Variants in PPP1R3A observed in about 807,000 individuals in gnomAD.
PPP1R3A encodes protein phosphatase 1 regulatory subunit 3A.
PPP1R3A carries 29 observed loss-of-function variants against 41.7 expected under a neutral mutation model. The observed-to-expected ratio is 0.70, with a 90% CI of 0.52 to 0.95. The LOEUF is 0.95. PPP1R3A is among the 40% of genes least tolerant of loss of function. The pLI is 0.00. For missense variants in PPP1R3A, 1,352 were observed against 1,292.4 expected (o/e 1.05, Z -0.71); for synonymous variants, 485 against 453.4 (o/e 1.07, Z -0.89).
At chr7:113,915,184 A>T (rs1797318110) in intron 1 of PPP1R3A, among the ~76,000 whole-genome samples, 1 of 152,104 alleles carries the variant, frequency 6.6e-6, no homozygotes, top group African/African-American at 2.4e-5. Context: ...ACTATCAGGC[A>T]TCAAAAGAAA....
intron 1 of PPP1R3A, among the ~76,000 whole-genome samples, chr7:113,890,667 C>A (rs1228410949): frequency 1.3e-5 from 2 of 151,932 alleles, no homozygotes; most frequent in African/African-American, 4.8e-5. Context: ...GTAGAATAGA[C>A]CAATCATCAT....
chr7:113,894,056 A>T (rs1796938485), intron 1 of PPP1R3A, among the ~76,000 whole-genome samples: 1 of 151,982 alleles, frequency 6.6e-6, no homozygotes, highest in Non-Finnish European at 1.5e-5. Flanking sequence ...GGGAGAAAAG[A>T]CATTTTAGAC....
In PPP1R3A at chr7:113,888,031, GA is replaced by G. The variant is rs1185175380; in HGVS notation, c.783-5712del. On this transcript the variant is annotated intron_variant, in intron 1 of 3. Coordinates refer to ENST00000284601, the MANE Select transcript of PPP1R3A (RefSeq NM_002711.4). The stretch of plus-strand genomic sequence containing the variant: ...CGGCGGAGCAAGACTCTGTCTCAAG[GA>G]AAAAAAAAAAAGCACAAAAGAAAAA... Among the ~76,000 whole-genome samples the G allele has an allele frequency of 9.7e-3, 1,363 of 139,962 alleles. 16 individuals are homozygous for G. The highest frequency in any genetic ancestry group is 0.028 in the African/African-American group (1,077 of 38,486). 91.8% of individuals were successfully genotyped at this position (139,962 alleles called of 152,430 possible).
intron 1 of PPP1R3A, among the ~76,000 whole-genome samples, chr7:113,888,245 C>T (rs559558858): frequency 1.4e-4 from 22 of 152,072 alleles, no homozygotes; most frequent in Admixed American, 4.6e-4. Context: ...AGGAGAGAGA[C>T]GTGGTCAGAT....
chr7:113,890,719 G>T (rs1191960175), intron 1 of PPP1R3A, among the ~76,000 whole-genome samples: 1 of 151,990 alleles, frequency 6.6e-6, no homozygotes, highest in East Asian at 1.9e-4. Flanking sequence ...CAATGGGGTA[G>T]AAATTGAAGG....
chr7:113,881,759 G>A lies in PPP1R3A; in HGVS notation c.966+280C>T, dbSNP rs541069190. Among the ~76,000 whole-genome samples, 6 of 152,074 alleles carry A rather than the reference G, an allele frequency of 3.9e-5. No homozygotes were observed. The South Asian group carries it at 1.2e-3, about 32-fold the overall frequency. On this transcript the variant is annotated intron_variant, in intron 3 of 3. Transcript: ENST00000284601. ...CACAAAGATTAGAAATGCACATCAG[G>A]ATAGTGCTACCTCTCCTGTAATTCC...
At position 113,878,595 on chromosome 7, in the gene PPP1R3A, C is replaced by T. The variant is rs1356561311; in HGVS notation, c.2497G>A (p.Asp833Asn). 6.2e-7 allele frequency: 1 copy of T among 1,613,582 alleles called. No homozygotes were observed. The highest frequency in any genetic ancestry group is 2.2e-5 in the East Asian group (1 of 44,830). ...MSMYNPRKTH[D>N]REKCGTGNIT... ...TTTCCAGTGCCACATTTCTCCCTGT[C>T]ATGTGTCTTCCTAGGATTGTACATA... Residue 833 changes from aspartate to asparagine, a missense_variant, in exon 4 of 4, where the codon GAC (aspartate) becomes AAC (asparagine). Physicochemically the swap from Asp to Asn is conservative, Grantham distance 23. Transcript: ENST00000284601.
At chr7:113,915,003 T>G (rs553128415) in intron 1 of PPP1R3A, among the ~76,000 whole-genome samples, 4 of 152,106 alleles carry the variant, frequency 2.6e-5, no homozygotes, top group Non-Finnish European at 5.9e-5. Flanking sequence ...CCATCAGATA[T>G]ATCAGGAATC....
chr7:113,895,099 T>TC (rs1256342181), intron 1 of PPP1R3A, among the ~76,000 whole-genome samples: 12 of 151,924 alleles, frequency 7.9e-5, no homozygotes, highest in Non-Finnish European at 1.8e-4. Flanking sequence ...CCTCTAATGT[T>TC]CCCCAAGATG....
At chr7:113,888,025 C>G (rs1483708620) in intron 1 of PPP1R3A, among the ~76,000 whole-genome samples, 5 of 150,194 alleles carry the variant, frequency 3.3e-5, no homozygotes, top group Non-Finnish European at 7.4e-5. Context: ...AAGACTCTGT[C>G]TCAAGGAAAA....
At chr7:113,908,217 GAT>G (rs1336506806) in intron 1 of PPP1R3A, among the ~76,000 whole-genome samples, 2 of 151,820 alleles carry the variant, frequency 1.3e-5, no homozygotes, top group Non-Finnish European at 2.9e-5. Flanking sequence ...AGATATTACC[GAT>G]ATAGAAAATA....
rs2974938 is a variant in PPP1R3A, at chr7:113,878,447, A to T, written c.2645T>A (p.Leu882His). ...CTTTGATAATTCTTGAACCTGCCTA[A>T]GATCTCTGTTTTCTGAAAATACAGT... is the stretch of plus-strand genomic sequence containing the variant. Reference protein sequence around the residue: ...DKTVFSENRDLRQVQELSKKT... With the variant: ...DKTVFSENRDHRQVQELSKKT... Residue 882 changes from leucine to histidine, a missense_variant, in exon 4 of 4, where the codon CTT (leucine) becomes CAT (histidine). Physicochemically the swap from Leu to His is moderately conservative, Grantham distance 99. Coordinates refer to ENST00000284601, the MANE Select transcript of PPP1R3A (RefSeq NM_002711.4). The T allele has an allele frequency of 0.99, 1,602,223 of 1,612,496 alleles. 796,312 individuals carry two copies. Among genetic ancestry groups the T allele is most frequent in the East Asian group, 1 (44,821 of 44,822 alleles).
intron 1 of PPP1R3A, among the ~76,000 whole-genome samples, chr7:113,897,686 T>TA (rs1187449554): frequency 6.6e-6 from 1 of 151,840 alleles, no homozygotes; most frequent in East Asian, 1.9e-4. Context: ...GATGAGCTTA[T>TA]AAGTGCCAAG....
rs1796606292 is a variant in PPP1R3A, at chr7:113,878,247, T to C, written c.2845A>G (p.Lys949Glu). The C allele has an allele frequency of 1.2e-6, 2 of 1,613,120 alleles. No individual in the cohort carries two copies. The highest frequency in any genetic ancestry group is 1.3e-5 in the African/African-American group (1 of 74,850). Residue 949 changes from lysine (K) to glutamate (E), a missense_variant, in exon 4 of 4, where the codon AAA (lysine) becomes GAA (glutamate). Lys to Glu is a moderately conservative substitution (Grantham distance 56, BLOSUM62 1). Transcript: ENST00000284601. ...TTMASQPIST[K>E]SENICNSTRE... ...GTTGAATTACAAATATTTTCTGATT[T>C]CGTAGAAATAGGTTGGCTAGCCATG...
intron 1 of PPP1R3A, among the ~76,000 whole-genome samples, chr7:113,908,691 C>A (rs1484483507): frequency 6.6e-6 from 1 of 151,680 alleles, no homozygotes; most frequent in African/African-American, 2.4e-5. Flanking sequence ...CAGACACACT[C>A]GTAGATGTTA....
At position 113,915,605 on chromosome 7, in the gene PPP1R3A, A is replaced by G. The variant is rs550265870; in HGVS notation, c.782+2610T>C. Reference sequence around the variant, plus strand: ...CATATACATACATATATACATATACATATATATACACATACATATATATAC... The same window carrying G: ...CATATACATACATATATACATATACGTATATATACACATACATATATATAC... On this transcript the variant is annotated intron_variant, in intron 1 of 3. Transcript: ENST00000284601. Among the ~76,000 whole-genome samples, 4 of 148,962 alleles carry G rather than the reference A, an allele frequency of 2.7e-5. No homozygotes were observed. The East Asian group carries it at 7.8e-4, about 29-fold the overall frequency.
At chr7:113,901,067 T>C (rs1019485380) in intron 1 of PPP1R3A, among the ~76,000 whole-genome samples, 14 of 151,570 alleles carry the variant, frequency 9.2e-5, no homozygotes, top group African/African-American at 3.1e-4. Context: ...AACATAGAAT[T>C]TGAAGATCTG....
At chr7:113,913,679 T>C (rs1797290382) in intron 1 of PPP1R3A, among the ~76,000 whole-genome samples, 1 of 152,034 alleles carries the variant, frequency 6.6e-6, no homozygotes, top group African/African-American at 2.4e-5. Context: ...GAACATACAT[T>C]TAGCAGGCAG....
chr7:113,885,372 T>C (rs1325365786), intron 1 of PPP1R3A, among the ~76,000 whole-genome samples: 1 of 152,088 alleles, frequency 6.6e-6, no homozygotes, highest in Non-Finnish European at 1.5e-5. Flanking sequence ...ACATTGCTGG[T>C]GGGAGAATAA....
Sources: allele counts gnomAD v4.1 joint callset (sites outside exome capture counted in the v4.1 genomes callset), GRCh38; gene constraint gnomAD v4.1.1; transcripts MANE v1.5; gene names NCBI Gene and HGNC (gene_info 2026-07-23, HGNC 2026-07-21).